The following DHRSX variants were observed in gnomAD, a reference collection of about 807,000 sequenced individuals.
The protein encoded by DHRSX is dehydrogenase/reductase X-linked.
Under a neutral mutation model 34.0 loss-of-function variants are expected in DHRSX, and 31 were observed. The ratio of observed to expected loss-of-function variants is 0.91; its 90% CI spans 0.69 to 1.23. DHRSX has a LOEUF of 1.23. Among genes scored for constraint, DHRSX ranks in the 50% most tolerant of loss-of-function variants. The probability of loss-of-function intolerance (pLI) is 0.00; values close to 1 mark genes in which losing one functional copy is unlikely to be tolerated. For missense variants in DHRSX, 414 were observed against 428.1 expected (o/e 0.97, Z 0.29); for synonymous variants, 201 against 183.8 (o/e 1.09, Z -0.76).
chrX:2,492,941 C>T (rs187559856), intron 1 of DHRSX, among the ~76,000 whole-genome samples: 477 of 152,350 alleles, frequency 3.1e-3, no homozygotes, highest in Admixed American at 7.8e-3. Context: ...TAGAAAGGCC[C>T]CCCGTCTTCA....
At chrX:2,301,633 C>G (rs1242151496) in intron 3 of DHRSX, among the ~76,000 whole-genome samples, 1 of 151,998 alleles carries the variant, frequency 6.6e-6, no homozygotes, top group Non-Finnish European at 1.5e-5. Context: ...GGTCTTTTCA[C>G]CTAGTTCTTT....
rs181022513 is a variant in DHRSX, at chrX:2,270,347, A to T, written c.389-3400T>A. Among the ~76,000 whole-genome samples, 247 of 152,306 alleles carry T rather than the reference A, an allele frequency of 1.6e-3. 1 individual carries two copies. The highest frequency in any genetic ancestry group is 5.7e-3 in the African/African-American group (235 of 41,564). On this transcript the variant is annotated intron_variant, in intron 4 of 6. Transcript: ENST00000334651. ...ACTTTGGAACTCCTACAGAGTTGTCACCACTGCCCCATTCTAGGAATTACG... is the reference window on the plus strand; with the variant it reads ...ACTTTGGAACTCCTACAGAGTTGTCTCCACTGCCCCATTCTAGGAATTACG...
At chrX:2,273,485 T>C (rs1406957193) in intron 4 of DHRSX, among the ~76,000 whole-genome samples, 2 of 152,194 alleles carry the variant, frequency 1.3e-5, no homozygotes, top group Non-Finnish European at 2.9e-5. Context: ...AAGTGGGCAC[T>C]AAGCTCTGGG....
At chrX:2,468,377 G>A (rs2044529824) in intron 1 of DHRSX, among the ~76,000 whole-genome samples, 1 of 152,170 alleles carries the variant, frequency 6.6e-6, no homozygotes, top group Non-Finnish European at 1.5e-5. Context: ...GGCTGGCTGC[G>A]TCTCTCACTG....
At chrX:2,293,253 GTTT>G (rs778290231) in intron 3 of DHRSX, among the ~76,000 whole-genome samples, 7 of 138,984 alleles carry the variant, frequency 5.0e-5, no homozygotes, top group African/African-American at 1.9e-4. Context: ...TGTTAAAGCT[GTTT>G]TTTTTTTTTT....
At chrX:2,340,427 G>A (rs2042625942) in intron 3 of DHRSX, among the ~76,000 whole-genome samples, 1 of 151,428 alleles carries the variant, frequency 6.6e-6, no homozygotes, top group African/African-American at 2.4e-5. Context: ...AGTATTCCAT[G>A]GTGTGTGTGT....
At chrX:2,402,232 G>A (rs1246558998) in intron 3 of DHRSX, among the ~76,000 whole-genome samples, 7 of 152,224 alleles carry the variant, frequency 4.6e-5, no homozygotes, top group Admixed American at 6.5e-5. Flanking sequence ...CCCGATGCCG[G>A]GATCCCAGCA....
chrX:2,391,291 T>C (rs189140787), intron 3 of DHRSX, among the ~76,000 whole-genome samples: 38 of 152,286 alleles, frequency 2.5e-4, no homozygotes, highest in African/African-American at 9.1e-4. Context: ...TGAAGTTCAA[T>C]AATAAAGAAA....
chrX:2,448,867 G>A (rs779052552), intron 1 of DHRSX, among the ~76,000 whole-genome samples: 3 of 152,108 alleles, frequency 2.0e-5, no homozygotes, highest in East Asian at 1.9e-4. Flanking sequence ...AGTTTCCAAG[G>A]AAAGGATTCC....
chrX:2,239,162 G>T (rs73626182), intron 6 of DHRSX, among the ~76,000 whole-genome samples: 1 of 152,052 alleles, frequency 6.6e-6, no homozygotes, highest in African/African-American at 2.4e-5. Flanking sequence ...ATCCAAATTT[G>T]CAGATGATGA....
chrX:2,371,495 G>A (rs188346443), intron 3 of DHRSX, among the ~76,000 whole-genome samples: 2,139 of 131,830 alleles, frequency 0.016, 43 homozygotes, highest in African/African-American at 0.058. Context: ...TCCCGTTACC[G>A]TAGACCCTCC....
At chrX:2,475,455 C>A (rs17842921) in intron 1 of DHRSX, among the ~76,000 whole-genome samples, 30,815 of 150,924 alleles carry the variant, frequency 0.2, 4,176 homozygotes, top group African/African-American at 0.39. Flanking sequence ...GCACAAGGGA[C>A]CGCCGCCCTG....
intron 3 of DHRSX, among the ~76,000 whole-genome samples, chrX:2,300,769 T>G (rs957511195): frequency 2.6e-5 from 4 of 152,080 alleles, no homozygotes; most frequent in African/African-American, 9.7e-5. Context: ...AAACCCCCCT[T>G]TATATATAGC....
At chrX:2,453,204 G>A (rs2044249113) in intron 1 of DHRSX, among the ~76,000 whole-genome samples, 1 of 152,100 alleles carries the variant, frequency 6.6e-6, no homozygotes, top group Admixed American at 6.6e-5. Context: ...GTTGTTGCCA[G>A]CAAAGAATGC....
rs1603472984 is a variant in DHRSX, at chrX:2,220,661, C to T, written c.*380G>A. The T allele has an allele frequency of 5.1e-6, 1 of 197,960 alleles. No individual in the cohort carries two copies. The highest frequency in any genetic ancestry group is 2.3e-5 in the African/African-American group (1 of 43,400). The allele number at this position is 197,960 out of a possible 1,614,324, so 12.3% of individuals were successfully genotyped here. ...AAATCAAACAGGAGACCTCATCCAC[C>T]ACTAGGTCTCAGAGAGGACATTGCA... On this transcript the variant is annotated 3_prime_UTR_variant, in exon 7 of 7. Transcript: ENST00000334651.
At chrX:2,320,427 TG>T (rs1215386665) in intron 3 of DHRSX, among the ~76,000 whole-genome samples, 1 of 144,772 alleles carries the variant, frequency 6.9e-6, no homozygotes, top group Non-Finnish European at 1.5e-5. Context: ...CCTGAGTAGC[TG>T]GGATTACAGA....
In DHRSX at chrX:2,344,872, CATATATATATATATATATATATATAT is replaced by C. The variant is rs775259345; in HGVS notation, c.287-53295_287-53270del. ...AGAACTTAAAGTATATAAAAAGAAGCATATATATATATATATATATATATATATATATATATATATATACTGTATTT... is the reference window on the plus strand; with the variant it reads ...AGAACTTAAAGTATATAAAAAGAAGCATATATATATATATATACTGTATTT... On this transcript the variant is annotated intron_variant, in intron 3 of 6. Transcript: ENST00000334651. 2.3e-3 allele frequency among the ~76,000 whole-genome samples: 231 copies of C among 98,356 alleles called. 2 individuals are homozygous for C. Among genetic ancestry groups the C allele is most frequent in the African/African-American group, 8.4e-3 (207 of 24,498 alleles). The allele number at this position is 98,356 out of a possible 152,430, so 64.5% of individuals were successfully genotyped here.
At chrX:2,451,004 C>G (rs1419735721) in intron 1 of DHRSX, among the ~76,000 whole-genome samples, 1 of 151,994 alleles carries the variant, frequency 6.6e-6, no homozygotes, top group African/African-American at 2.4e-5. Flanking sequence ...GGAAGTGGGT[C>G]CCCACCAGAC....
At chrX:2,490,252 G>A (rs781705750) in intron 1 of DHRSX, 22 of 1,613,860 alleles carry the variant, frequency 1.4e-5, no homozygotes, top group African/African-American at 4.0e-5. Context: ...ACCGGGGGTC[G>A]GCCGTCTTCA....
Sources: allele counts gnomAD v4.1 joint callset (sites outside exome capture counted in the v4.1 genomes callset), GRCh38; gene constraint gnomAD v4.1.1; transcripts MANE v1.5; gene names NCBI Gene and HGNC (gene_info 2026-07-23, HGNC 2026-07-21).